The following PLPPR4 variants were observed in gnomAD, a reference collection of about 807,000 sequenced individuals.
PLPPR4 encodes the protein phospholipid phosphatase-related protein type 4.
In PLPPR4, 24 loss-of-function variants were observed where a neutral mutation model predicts 56.6. The ratio of observed to expected loss-of-function variants is 0.42; its 90% CI spans 0.31 to 0.60. The LOEUF is 0.60. Ranked by LOEUF, PLPPR4 falls within the 20% of genes least tolerant of loss-of-function variation. PLPPR4 has a pLI of 0.13. For synonymous variants in PLPPR4, 326 were observed against 328.1 expected, an observed-to-expected ratio of 0.99 and a Z score of 0.07; for missense variants, 654 against 885.8, an observed-to-expected ratio of 0.74 and a Z score of 3.32.
chr1:99,293,836 A>G (rs1458727328), intron 2 of PLPPR4, among the ~76,000 whole-genome samples: 1 of 152,172 alleles, frequency 6.6e-6, no homozygotes, highest in South Asian at 2.1e-4. Context: ...TGACTGTTCC[A>G]TGGCTAGGGT....
In PLPPR4 at chr1:99,301,724, A is replaced by G; in HGVS notation, c.649A>G (p.Met217Val). 1.3e-6 allele frequency: 2 copies of G among 1,599,072 alleles called. No individual in the cohort carries two copies. Among genetic ancestry groups the G allele is most frequent in the Non-Finnish European group, 1.7e-6 (2 of 1,171,570 alleles). Residue 217 changes from methionine to valine, a missense_variant and splice_region_variant, in exon 6 of 7, where the codon ATG becomes GTG. Physicochemically the swap from Met to Val is conservative, Grantham distance 21. Coordinates refer to ENST00000370185, the MANE Select transcript of PLPPR4 (RefSeq NM_014839.5). The part of the protein sequence containing the change: ...LAAFAAVYVS[M>V]YFNSTLTDSS... ...TTAACCCATTTCTTCCATTTTTAAG[A>G]TGTACTTCAATTCCACATTAACGGA...
At chr1:99,282,435 G>C (rs533958677) in intron 1 of PLPPR4, among the ~76,000 whole-genome samples, 1 of 152,210 alleles carries the variant, frequency 6.6e-6, no homozygotes, top group East Asian at 1.9e-4. Flanking sequence ...AGTTTTCTCT[G>C]TTTGGTTTAC....
intron 4 of PLPPR4, among the ~76,000 whole-genome samples, chr1:99,300,151 T>C (rs17120192): frequency 0.016 from 2,492 of 152,132 alleles, 45 homozygotes; most frequent in African/African-American, 0.035. Flanking sequence ...AACTTATCTC[T>C]GTTGAATGGG....
At chr1:99,288,725 A>T (rs1221350197) in intron 2 of PLPPR4, among the ~76,000 whole-genome samples, 1 of 152,174 alleles carries the variant, frequency 6.6e-6, no homozygotes, top group Non-Finnish European at 1.5e-5. Context: ...TTTTCATTTT[A>T]AAATATGTTC....
At position 99,305,854 on chromosome 1, in the gene PLPPR4, A is replaced by G. The variant is rs1660011103; in HGVS notation, c.992A>G (p.Asn331Ser). 7.4e-6 allele frequency: 12 copies of G among 1,614,096 alleles called. No homozygotes were observed. The highest frequency in any genetic ancestry group is 9.3e-6 in the Non-Finnish European group (11 of 1,180,004). The change falls in exon 7 of 7, where the codon AAC (asparagine) becomes AGC (serine). Residue 331 changes from asparagine to serine, a missense_variant. Physicochemically the swap from Asn to Ser is conservative, Grantham distance 46 (BLOSUM62 1). Transcript: ENST00000370185. ...CATACAGAAGGCATCCTCAACCGAA[A>G]CCACAGAGATGCTAGCTCTCTGACA... is the stretch of plus-strand genomic sequence containing the variant. Reference protein sequence around the residue: ...IAHTEGILNRNHRDASSLTNL... With the variant: ...IAHTEGILNRSHRDASSLTNL...
chr1:99,273,648 AATTT>A (rs1301211281), intron 1 of PLPPR4, among the ~76,000 whole-genome samples: 2 of 152,092 alleles, frequency 1.3e-5, no homozygotes, highest in African/African-American at 4.8e-5. Flanking sequence ...CTCTTACAAC[AATTT>A]ATTTATGTGT....
At chr1:99,264,945 C>G (rs1185357148) in intron 1 of PLPPR4, among the ~76,000 whole-genome samples, 2 of 152,174 alleles carry the variant, frequency 1.3e-5, no homozygotes, top group South Asian at 2.1e-4. Flanking sequence ...GTTTTAGTTC[C>G]TTGGCCCTCC....
At chr1:99,286,851 C>T (rs1659475001) in intron 1 of PLPPR4, among the ~76,000 whole-genome samples, 2 of 152,170 alleles carry the variant, frequency 1.3e-5, no homozygotes, top group African/African-American at 4.8e-5. Flanking sequence ...GGATTTTATT[C>T]AAGTTGAGTG....
intron 1 of PLPPR4, among the ~76,000 whole-genome samples, chr1:99,268,977 G>A (rs1442191090): frequency 1.3e-5 from 2 of 152,142 alleles, no homozygotes; most frequent in African/African-American, 2.4e-5. Flanking sequence ...TGCAGAACAT[G>A]CAGTTTTGTT....
intron 2 of PLPPR4, among the ~76,000 whole-genome samples, chr1:99,293,783 G>C (rs1249743076): frequency 3.3e-5 from 5 of 152,052 alleles, no homozygotes; most frequent in Non-Finnish European, 5.9e-5. Context: ...TTGTTGTTTT[G>C]TTTTACAAGA....
intron 1 of PLPPR4, among the ~76,000 whole-genome samples, chr1:99,276,876 T>C (rs1046146867): frequency 2.6e-5 from 4 of 152,118 alleles, no homozygotes; most frequent in Non-Finnish European, 5.9e-5. Context: ...GACTGTGAAA[T>C]GGATGCCTAA....
intron 2 of PLPPR4, among the ~76,000 whole-genome samples, chr1:99,290,140 C>A (rs908940627): frequency 2.6e-5 from 4 of 152,024 alleles, no homozygotes; most frequent in Admixed American, 2.6e-4. Flanking sequence ...CAATCCTATA[C>A]CCCAACAACA....
rs1421280789 is a variant in PLPPR4 at position 99,308,736 on chromosome 1, A to C, written c.*1726A>C. 1 of 152,636 alleles carries C rather than the reference A, an allele frequency of 6.6e-6. No homozygotes were observed. Among genetic ancestry groups the C allele is most frequent in the African/African-American group, 2.4e-5 (1 of 41,460 alleles). The allele number at this position is 152,636 out of a possible 1,614,324, so 9.5% of individuals were successfully genotyped here. On this transcript the variant is annotated 3_prime_UTR_variant, in exon 7 of 7. Transcript: ENST00000370185. ...TTAGGAATTTAGCTGAAACCAGCAG[A>C]ATTGAAAACTCTGGCAATAAAACAT...
At chr1:99,297,089 G>A (rs1363211010) in intron 3 of PLPPR4, among the ~76,000 whole-genome samples, 1 of 152,140 alleles carries the variant, frequency 6.6e-6, no homozygotes, top group Non-Finnish European at 1.5e-5. Flanking sequence ...GAGCTAATAT[G>A]CCATGTGTTT....
intron 1 of PLPPR4, among the ~76,000 whole-genome samples, chr1:99,273,727 T>G (rs1173898755): frequency 1.3e-5 from 2 of 152,136 alleles, no homozygotes; most frequent in African/African-American, 4.8e-5. Flanking sequence ...AATGGAATCA[T>G]CACTGGCATA....
chr1:99,263,584 G>A (rs925371584), upstream of PLPPR4, among the ~76,000 whole-genome samples: 1 of 152,134 alleles, frequency 6.6e-6, no homozygotes, highest in South Asian at 2.1e-4. Context: ...ATCATGTCTC[G>A]TGTTTGCTGG....
At chr1:99,295,472 T>G (rs819907) in intron 2 of PLPPR4, among the ~76,000 whole-genome samples, 77,748 of 151,924 alleles carry the variant, frequency 0.51, 20,308 homozygotes, top group African/African-American at 0.59. Context: ...CCAAATCAGG[T>G]TTATAGTATT....
chr1:99,298,998 A>C (rs112672734), intron 3 of PLPPR4, 37 bp from the exon 4 acceptor site: 2 of 1,455,766 alleles, frequency 1.4e-6, no homozygotes. Context: ...TGACACAACC[A>C]CCAACTTGGT....
At position 99,306,197 on chromosome 1, in the gene PLPPR4, C is replaced by A. The variant is rs766601114; in HGVS notation, c.1335C>A (p.Asp445Glu). Residue 445 changes from aspartate to glutamate, a missense_variant, in exon 7 of 7, where the codon GAC (aspartate) becomes GAA (glutamate). Around this residue, in one of 2 missense-constraint regions of PLPPR4, gnomAD observed 468 missense variants for 554.3 expected, o/e 0.84. Coordinates refer to ENST00000370185, the MANE Select transcript of PLPPR4 (RefSeq NM_014839.5). The surrounding 1 kb of genome is among the most constrained non-coding windows in gnomAD (Gnocchi z 4.0). ...SEPSRVGVNG[D>E]HHGPGNQYLK... Reference sequence around the variant, plus strand: ...CATCGAGGGTAGGGGTGAATGGAGACCACCATGGTCCTGGCAATCAGTACC... The same window carrying A: ...CATCGAGGGTAGGGGTGAATGGAGAACACCATGGTCCTGGCAATCAGTACC... 24 of 1,613,948 alleles carry A rather than the reference C, an allele frequency of 1.5e-5. No individual in the cohort carries two copies. In the South Asian group the frequency reaches 2.5e-4, roughly 17 times the overall value.
Sources: allele counts gnomAD v4.1 joint callset (sites outside exome capture counted in the v4.1 genomes callset), GRCh38; gene constraint gnomAD v4.1.1; regional missense constraint gnomAD v4.1.1; non-coding constraint Gnocchi (gnomAD v3.1); transcripts MANE v1.5; gene names NCBI Gene and HGNC (gene_info 2026-07-23, HGNC 2026-07-21).